Variants in GMDS observed in about 807,000 individuals in gnomAD.
The protein encoded by GMDS is GDP-mannose 4,6 dehydratase.
In GMDS, 20 loss-of-function variants were observed where a neutral mutation model predicts 49.9. The ratio of observed to expected loss-of-function variants is 0.40; its 90% CI spans 0.28 to 0.58. The LOEUF is 0.58. Ranked by LOEUF, GMDS falls within the 20% of genes least tolerant of loss-of-function variation. The probability of loss-of-function intolerance (pLI) is 0.42; values close to 1 mark genes in which losing one functional copy is unlikely to be tolerated. For synonymous variants in GMDS, 177 were observed against 178.6 expected (o/e 0.99, Z 0.07); for missense variants, 362 against 481.4 (o/e 0.75, Z 2.32).
At chr6:1,974,749 G>T (rs1264584807) in intron 4 of GMDS, among the ~76,000 whole-genome samples, 1 of 152,026 alleles carries the variant, frequency 6.6e-6, no homozygotes, top group Admixed American at 6.5e-5. Context: ...GTAACCAATG[G>T]GCTGGGCACG....
chr6:2,135,595 ACATCATCATCAT>A lies in GMDS; in HGVS notation c.103-10876_103-10865del, dbSNP rs61342699. On this transcript the variant is annotated intron_variant, in intron 1 of 10. Coordinates refer to ENST00000380815, the MANE Select transcript of GMDS (RefSeq NM_001500.4). ...AGGACAAGGAAACAACACATCTACCACATCATCATCATCATCATCATCATCATCATCATATTA... is the reference window on the plus strand; with the variant it reads ...AGGACAAGGAAACAACACATCTACCACATCATCATCATCATCATCATATTA... 2.7e-5 allele frequency among the ~76,000 whole-genome samples: 4 copies of A among 149,422 alleles called. No homozygotes were observed. The East Asian group carries it at 5.8e-4, about 22-fold the overall frequency.
chr6:2,102,724 G>A (rs1773995728), intron 4 of GMDS, among the ~76,000 whole-genome samples: 1 of 152,136 alleles, frequency 6.6e-6, no homozygotes, highest in South Asian at 2.1e-4. Context: ...AAACCCATTT[G>A]CTATCTCAAA....
intron 4 of GMDS, among the ~76,000 whole-genome samples, chr6:2,076,443 A>C (rs1490187198): frequency 1.3e-5 from 2 of 152,190 alleles, no homozygotes; most frequent in Non-Finnish European, 2.9e-5. Context: ...AAGAGAGCCC[A>C]CATTGCCAAG....
intron 4 of GMDS, among the ~76,000 whole-genome samples, chr6:2,101,866 T>C (rs1447090773): frequency 1.3e-5 from 2 of 152,140 alleles, no homozygotes; most frequent in East Asian, 3.8e-4. Context: ...TTAAATATTT[T>C]ACATCAGATA....
intron 7 of GMDS, among the ~76,000 whole-genome samples, chr6:1,916,186 A>C (rs1761382623): frequency 2.0e-5 from 3 of 152,218 alleles, no homozygotes; most frequent in Admixed American, 1.3e-4. Context: ...TAGACTGACA[A>C]CATGGCTGTA....
In GMDS at chr6:1,940,131, G is replaced by T. The variant is rs573401852; in HGVS notation, c.644-9901C>A. Among the ~76,000 whole-genome samples, 18 of 152,270 alleles carry T rather than the reference G, an allele frequency of 1.2e-4. No individual in the cohort carries two copies. In the South Asian group the frequency reaches 3.7e-3, roughly 32 times the overall value. On this transcript the variant is annotated intron_variant, in intron 6 of 10. Coordinates refer to ENST00000380815, the MANE Select transcript of GMDS (RefSeq NM_001500.4). ...AATGTATATTTCCTATGGCCCTGTGGCAATTTTTATTGTTTGTGTGTCTAC... is the reference window on the plus strand; with the variant it reads ...AATGTATATTTCCTATGGCCCTGTGTCAATTTTTATTGTTTGTGTGTCTAC...
intron 7 of GMDS, among the ~76,000 whole-genome samples, chr6:1,824,488 G>A (rs1013598242): frequency 6.6e-6 from 1 of 151,802 alleles, no homozygotes; most frequent in African/African-American, 2.4e-5. Context: ...GTGTCACAAC[G>A]CCTGCTGATC....
chr6:1,653,373 C>A (rs905466330), intron 9 of GMDS, among the ~76,000 whole-genome samples: 1 of 152,176 alleles, frequency 6.6e-6, no homozygotes, highest in African/African-American at 2.4e-5. Context: ...GATCATTACA[C>A]AAAGTGATCT....
chr6:2,234,083 A>T (rs1182347903), intron 1 of GMDS, among the ~76,000 whole-genome samples: 1 of 152,172 alleles, frequency 6.6e-6, no homozygotes, highest in Non-Finnish European at 1.5e-5. Context: ...ATTTACACAA[A>T]CTGAATGTCA....
At chr6:2,000,581 T>A (rs73410414) in intron 4 of GMDS, among the ~76,000 whole-genome samples, 3,673 of 152,298 alleles carry the variant, frequency 0.024, 90 homozygotes, top group South Asian at 0.094. Context: ...TTAAGGTTCA[T>A]CTATATTGGA....
chr6:2,018,593 C>T (rs115202847), intron 4 of GMDS, among the ~76,000 whole-genome samples: 2,081 of 152,184 alleles, frequency 0.014, 50 homozygotes, highest in African/African-American at 0.048. Context: ...AATCATAATA[C>T]GTGGTGGTTT....
chr6:2,125,641 A>G (rs6904830), intron 1 of GMDS, among the ~76,000 whole-genome samples: 17,594 of 152,146 alleles, frequency 0.12, 3,080 homozygotes, highest in African/African-American at 0.38. Flanking sequence ...TAAGATGGGA[A>G]CTAGGTGGGT....
chr6:1,965,504 C>A (rs1423403087), intron 4 of GMDS, among the ~76,000 whole-genome samples: 1 of 152,104 alleles, frequency 6.6e-6, no homozygotes, highest in East Asian at 1.9e-4. Context: ...CTGAACAGTA[C>A]ATTGTGGCTG....
chr6:2,124,742 A>G lies in GMDS; in HGVS notation c.103-11T>C. On this transcript the variant is annotated splice_polypyrimidine_tract_variant and intron_variant, in intron 1 of 10. Transcript: ENST00000380815. ...CAGGTAGGAACCATCCTGGGGAGAA[A>G]GAAAAAATTGCAAAACGTCAGTCTC... is the stretch of plus-strand genomic sequence containing the variant. The G allele has an allele frequency of 6.2e-7, 1 of 1,611,416 alleles. No individual in the cohort carries two copies. Among genetic ancestry groups the G allele is most frequent in the Non-Finnish European group, 8.5e-7 (1 of 1,178,000 alleles).
chr6:1,816,934 G>T (rs902744581), intron 7 of GMDS, among the ~76,000 whole-genome samples: 6 of 151,470 alleles, frequency 4.0e-5, no homozygotes, highest in African/African-American at 9.7e-5. Context: ...GCAGGTCTGG[G>T]TGGGGTTGTC....
At chr6:1,626,498 T>C (rs572291890) in intron 9 of GMDS, among the ~76,000 whole-genome samples, 1 of 152,356 alleles carries the variant, frequency 6.6e-6, no homozygotes, top group Non-Finnish European at 1.5e-5. Context: ...TTCTACAGGC[T>C]TCTATTTTGC....
intron 9 of GMDS, among the ~76,000 whole-genome samples, chr6:1,631,426 G>T (rs1482435942): frequency 6.6e-6 from 1 of 152,034 alleles, no homozygotes; most frequent in Non-Finnish European, 1.5e-5. Flanking sequence ...TTGCATAAGA[G>T]GAAGGTAATT....
chr6:1,901,794 G>A (rs923075113), intron 7 of GMDS, among the ~76,000 whole-genome samples: 5 of 152,156 alleles, frequency 3.3e-5, no homozygotes, highest in Non-Finnish European at 5.9e-5. Flanking sequence ...TAAGTTAGAC[G>A]CTGAAGAAAC....
At chr6:1,681,835 A>G (rs9503001) in intron 9 of GMDS, among the ~76,000 whole-genome samples, 34,652 of 152,226 alleles carry the variant, frequency 0.23, 4,180 homozygotes, top group East Asian at 0.49. Context: ...AGATGGGACT[A>G]TAGGCACGCA....
Sources: gnomAD v4.1 joint callset for allele counts (sites outside exome capture counted in the v4.1 genomes callset) on GRCh38, gnomAD v4.1.1 for gene constraint, MANE v1.5 for transcripts, NCBI Gene and HGNC (gene_info 2026-07-23, HGNC 2026-07-21) for gene names.